IDO2: variants seen among roughly 807,000 people sequenced by gnomAD.
IDO2 encodes the protein indoleamine 2,3-dioxygenase-like 1 protein.
In IDO2, 46 loss-of-function variants were observed where a neutral mutation model predicts 45.1. The observed-to-expected ratio is 1.02, with a 90% confidence interval of 0.80 to 1.30. IDO2 has a LOEUF of 1.30. Among genes scored for constraint, IDO2 ranks in the 50% most tolerant of loss-of-function variants. IDO2 has a pLI of 0.00. For synonymous variants in IDO2, 218 were observed against 184.9 expected, an observed-to-expected ratio of 1.18 and a Z score of -1.45; for missense variants, 544 against 491.8, an observed-to-expected ratio of 1.11 and a Z score of -1.00.
intron 10 of IDO2, among the ~76,000 whole-genome samples, chr8:40,014,134 G>A (rs1802352195): frequency 6.6e-6 from 1 of 152,150 alleles, no homozygotes; most frequent in Non-Finnish European, 1.5e-5. Context: ...ATTTATACCA[G>A]CAGAGGGATC....
chr8:39,980,173 T>C (rs1808321813), intron 4 of IDO2, among the ~76,000 whole-genome samples: 1 of 152,326 alleles, frequency 6.6e-6, no homozygotes, highest in East Asian at 1.9e-4. Flanking sequence ...TGTACTCTTA[T>C]GTATATAAAT....
At chr8:39,959,233 G>C (rs569153723) in intron 2 of IDO2, among the ~76,000 whole-genome samples, 1 of 151,014 alleles carries the variant, frequency 6.6e-6, no homozygotes, top group Non-Finnish European at 1.5e-5. Flanking sequence ...TTAGCCTCCC[G>C]AGTAGCTGGG....
exon 4 of IDO2, chr8:39,979,173 C>A: frequency 6.3e-7 from 1 of 1,590,372 alleles, no homozygotes; most frequent in Non-Finnish European, 8.6e-7. Flanking sequence ...GAAGGAGAGG[C>A]GCAGCCTGCA....
chr8:39,968,712 G>C (rs1364158893), intron 3 of IDO2, among the ~76,000 whole-genome samples: 1 of 151,928 alleles, frequency 6.6e-6, no homozygotes, highest in African/African-American at 2.4e-5. Flanking sequence ...GCCTGTTGTG[G>C]GGTGGGGGGC....
chr8:39,985,221 G>A, intron 5 of IDO2: 1 of 458,696 alleles, frequency 2.2e-6, no homozygotes, highest in Non-Finnish European at 3.9e-6. Flanking sequence ...GAGCCACTGT[G>A]CCCAGCCTAA....
chr8:39,991,359 A>C (rs1158871842), intron 8 of IDO2, among the ~76,000 whole-genome samples: 1 of 152,186 alleles, frequency 6.6e-6, no homozygotes, highest in Non-Finnish European at 1.5e-5. Flanking sequence ...TAGCTTTGCC[A>C]AGAAAGCCTG....
chr8:39,979,103 C>T lies in IDO2; in HGVS notation c.232C>T (p.Arg78Trp), dbSNP rs377075058. 49 of 1,599,594 alleles carry T rather than the reference C, an allele frequency of 3.1e-5. No homozygotes were observed. Among genetic ancestry groups the T allele is most frequent in the East Asian group, 1.4e-4 (6 of 44,344 alleles). The change falls in exon 4 of 11, where the codon CGG (arginine) becomes TGG (tryptophan). Residue 78 changes from arginine to tryptophan, a missense_variant. Transcript: ENST00000502986. ...GAGCTGCCAGTTCCTGAAGGGTCACCGGGAGCAGCGCCTGGCCCACCTGGT... is the reference window on the plus strand; with the variant it reads ...GAGCTGCCAGTTCCTGAAGGGTCACTGGGAGCAGCGCCTGGCCCACCTGGT...
intron 1 of IDO2, among the ~76,000 whole-genome samples, chr8:39,935,531 C>A (rs1807532692): frequency 1.3e-5 from 2 of 152,092 alleles, no homozygotes; most frequent in South Asian, 2.1e-4. Flanking sequence ...CTCACTGCAA[C>A]CTCTGCCTCC....
At chr8:39,999,381 C>T (rs541287094) in intron 8 of IDO2, among the ~76,000 whole-genome samples, 34 of 148,568 alleles carry the variant, frequency 2.3e-4, no homozygotes, top group African/African-American at 7.7e-4. Flanking sequence ...TCGGTTCAAG[C>T]GATTCTCCTG....
At chr8:39,964,769 C>T (rs1247652993) in intron 3 of IDO2, among the ~76,000 whole-genome samples, 1 of 152,080 alleles carries the variant, frequency 6.6e-6, no homozygotes, top group Admixed American at 6.6e-5. Flanking sequence ...AAGAAAAAAA[C>T]TATCTGTAAA....
intron 3 of IDO2, among the ~76,000 whole-genome samples, chr8:39,977,017 G>T (rs778487160): frequency 2.6e-5 from 4 of 151,942 alleles, no homozygotes; most frequent in African/African-American, 9.7e-5. Context: ...TTCTAATAAT[G>T]TATCTTTCAA....
Position 39,954,140 on chromosome 8 carries a change from C to T in IDO2, c.99+4876C>T, listed in dbSNP as rs565269837. Among the ~76,000 whole-genome samples the T allele has an allele frequency of 2.2e-4, 33 of 152,274 alleles. No individual in the cohort carries two copies. In the South Asian group the frequency reaches 5.4e-3, roughly 25 times the overall value. ...TTTAGGAAGTTGCTTAGGATACAGA[C>T]GTGATAAAAAGACCAGTGTAAAAAC... On this transcript the variant is annotated intron_variant, in intron 2 of 10. Transcript: ENST00000502986.
Position 39,949,137 on chromosome 8 carries a change from C to T in IDO2, c.-17-12C>T, listed in dbSNP as rs538447506. ...AGGAACAATTGATTCTTCAGTGACACTTTCCATGCAGATACTTCAAACAAA... is the reference window on the plus strand; with the variant it reads ...AGGAACAATTGATTCTTCAGTGACATTTTCCATGCAGATACTTCAAACAAA... On this transcript the variant is annotated splice_polypyrimidine_tract_variant and intron_variant, in intron 1 of 10. Transcript: ENST00000502986. The T allele has an allele frequency of 6.3e-7, 1 of 1,590,002 alleles. No individual in the cohort carries two copies. The highest frequency in any genetic ancestry group is 8.6e-7 in the Non-Finnish European group (1 of 1,166,948).
intron 9 of IDO2, 113 bp from the exon 10 acceptor site, chr8:40,013,452 A>C: frequency 9.2e-7 from 1 of 1,081,612 alleles, no homozygotes; most frequent in Non-Finnish European, 1.4e-6. Flanking sequence ...CCTCACCCTA[A>C]AATTACCATT....
At chr8:39,940,081 G>A (rs1563422291) in intron 1 of IDO2, among the ~76,000 whole-genome samples, 1 of 152,116 alleles carries the variant, frequency 6.6e-6, no homozygotes, top group Non-Finnish European at 1.5e-5. Flanking sequence ...TTACTGTTAC[G>A]AAAGAAAGTT....
intron 3 of IDO2, among the ~76,000 whole-genome samples, chr8:39,971,053 T>G (rs141317292): frequency 5.9e-5 from 9 of 152,066 alleles, no homozygotes; most frequent in African/African-American, 2.4e-5. Flanking sequence ...TGTGAGCCAC[T>G]GCGCCCGGCC....
chr8:40,014,071 G>T (rs1802350728), intron 10 of IDO2, among the ~76,000 whole-genome samples: 1 of 152,122 alleles, frequency 6.6e-6, no homozygotes, highest in South Asian at 2.1e-4. Flanking sequence ...ACAGGTCTGG[G>T]ATCTTCCAAG....
At chr8:39,948,167 T>A (rs1193655398) in intron 1 of IDO2, among the ~76,000 whole-genome samples, 1 of 152,258 alleles carries the variant, frequency 6.6e-6, no homozygotes, top group Non-Finnish European at 1.5e-5. Context: ...GTATTTATTA[T>A]CTCATTTGCT....
intron 8 of IDO2, chr8:39,995,125 T>A (rs1802013335): frequency 6.6e-6 from 1 of 151,188 alleles, no homozygotes; most frequent in South Asian, 2.1e-4. Context: ...CATCAGCCTA[T>A]AAAATTATTC....
Sources: allele counts gnomAD v4.1 joint callset (sites outside exome capture counted in the v4.1 genomes callset), GRCh38; gene constraint gnomAD v4.1.1; transcripts MANE v1.5; gene names NCBI Gene and HGNC (gene_info 2026-07-23, HGNC 2026-07-21).